Variants in EPHA6 observed in about 807,000 individuals in gnomAD.
EPHA6 encodes the protein EPH receptor A6, also known as ephrin type-A receptor 6.
Under a neutral mutation model 112.0 loss-of-function variants are expected in EPHA6, and 50 were observed. The observed-to-expected ratio is 0.45, with a 90% CI of 0.36 to 0.56. The LOEUF (loss-of-function observed/expected upper bound fraction) is 0.56, where lower values mean the gene tolerates loss of function less well. EPHA6 is among the 20% of genes least tolerant of loss of function. The pLI is 0.00. For missense variants in EPHA6, 1,280 were observed against 1,417.4 expected, an observed-to-expected ratio of 0.90 and a Z score of 1.56; for synonymous variants, 529 against 490.7, an observed-to-expected ratio of 1.08 and a Z score of -1.03.
At chr3:96,839,922 G>T (rs796495279) in intron 1 of EPHA6, among the ~76,000 whole-genome samples, 3 of 152,236 alleles carry the variant, frequency 2.0e-5, no homozygotes, top group African/African-American at 7.2e-5. Flanking sequence ...AGGATGAATG[G>T]TGGTTAGAGA....
chr3:97,390,443 G>A (rs2086333344), intron 5 of EPHA6, among the ~76,000 whole-genome samples: 1 of 150,802 alleles, frequency 6.6e-6, no homozygotes, highest in Non-Finnish European at 1.5e-5. Context: ...ATTCCAGAAG[G>A]AATTTCATAT....
At chr3:97,372,592 A>G (rs1216308841) in intron 5 of EPHA6, among the ~76,000 whole-genome samples, 1 of 152,176 alleles carries the variant, frequency 6.6e-6, no homozygotes, top group Admixed American at 6.6e-5. Flanking sequence ...GCCATGCAAT[A>G]AAATATTATA....
chr3:96,994,385 C>T (rs2043325999), intron 3 of EPHA6, among the ~76,000 whole-genome samples: 1 of 151,970 alleles, frequency 6.6e-6, no homozygotes, highest in South Asian at 2.1e-4. Context: ...TACTTAATGT[C>T]AGACTTTTCT....
chr3:97,035,621 T>C (rs1196695057), intron 3 of EPHA6, among the ~76,000 whole-genome samples: 5 of 151,940 alleles, frequency 3.3e-5, no homozygotes, highest in African/African-American at 1.2e-4. Flanking sequence ...TTTTGTAGCG[T>C]ACTCCATATT....
At chr3:97,446,120 C>T (rs2090337398) in intron 6 of EPHA6, among the ~76,000 whole-genome samples, 1 of 152,144 alleles carries the variant, frequency 6.6e-6, no homozygotes, top group Admixed American at 6.6e-5. Context: ...CCTACCTATG[C>T]ATATCATAGA....
chr3:97,481,858 C>T (rs2091562935), intron 9 of EPHA6, among the ~76,000 whole-genome samples: 1 of 152,202 alleles, frequency 6.6e-6, no homozygotes, highest in African/African-American at 2.4e-5. Flanking sequence ...CGCAGGGCAA[C>T]CTTAAGATTC....
In EPHA6 at chr3:96,835,813, T is replaced by C. The variant is rs1456208035; in HGVS notation, c.385+20805T>C. Among the ~76,000 whole-genome samples the C allele has an allele frequency of 2.6e-5, 4 of 152,240 alleles. No individual in the cohort carries two copies. In the South Asian group the frequency reaches 6.2e-4, roughly 24 times the overall value. On this transcript the variant is annotated intron_variant, in intron 1 of 17. Transcript: ENST00000389672. The stretch of plus-strand genomic sequence containing the variant: ...TGTGAAGACTCTTAATTATTAAGTA[T>C]GTAGTAGACCCACATAAGTATTGTT...
chr3:97,020,088 A>C (rs551649090), intron 3 of EPHA6, among the ~76,000 whole-genome samples: 1 of 152,294 alleles, frequency 6.6e-6, no homozygotes, highest in East Asian at 1.9e-4. Context: ...CTATGCCTCA[A>C]GTGGCCTAGC....
intron 2 of EPHA6, among the ~76,000 whole-genome samples, chr3:96,885,185 T>G (rs2037553786): frequency 6.6e-6 from 1 of 152,116 alleles, no homozygotes; most frequent in South Asian, 2.1e-4. Context: ...CTGTAGTTTT[T>G]GTTTTTGGTT....
chr3:97,711,972 C>A (rs2033990499), intron 14 of EPHA6, among the ~76,000 whole-genome samples: 1 of 152,136 alleles, frequency 6.6e-6, no homozygotes, highest in African/African-American at 2.4e-5. Flanking sequence ...TGTTACACAT[C>A]AAATTGATAC....
chr3:97,129,529 A>C (rs377228432), intron 3 of EPHA6, among the ~76,000 whole-genome samples: 2 of 151,534 alleles, frequency 1.3e-5, no homozygotes, highest in Admixed American at 6.6e-5. Context: ...AAAAAAAAAA[A>C]CAACAAAAAA....
chr3:97,336,530 G>A (rs2083063225), intron 5 of EPHA6, among the ~76,000 whole-genome samples: 1 of 152,066 alleles, frequency 6.6e-6, no homozygotes, highest in African/African-American at 2.4e-5. Flanking sequence ...ATCCATGCTG[G>A]ACCTTAGTTC....
intron 6 of EPHA6, among the ~76,000 whole-genome samples, chr3:97,443,151 G>A (rs1022515583): frequency 4.6e-5 from 7 of 152,056 alleles, no homozygotes; most frequent in Non-Finnish European, 7.4e-5. Context: ...TTTGATGAAT[G>A]TGAGTGTGTA....
At position 97,542,795 on chromosome 3, in the gene EPHA6, T is replaced by C. The variant is rs560681317; in HGVS notation, c.2386+10252T>C. Among the ~76,000 whole-genome samples the C allele has an allele frequency of 1.0e-3, 158 of 152,324 alleles. 1 individual carries two copies. The highest frequency in any genetic ancestry group is 3.3e-3 in the African/African-American group (139 of 41,576). ...TTTTAATGATCGCCATTCTAACTGGTGTGAGATGGTATCCCATTGTGGTTT... is the reference window on the plus strand; with the variant it reads ...TTTTAATGATCGCCATTCTAACTGGCGTGAGATGGTATCCCATTGTGGTTT... On this transcript the variant is annotated intron_variant, in intron 11 of 17. Transcript: ENST00000389672.
At chr3:96,924,288 T>A (rs1176105056) in intron 2 of EPHA6, among the ~76,000 whole-genome samples, 2 of 152,180 alleles carry the variant, frequency 1.3e-5, no homozygotes, top group Non-Finnish European at 2.9e-5. Context: ...GAGCATGGAA[T>A]GTTTTCCATT....
chr3:97,441,959 T>C (rs1346443608), intron 6 of EPHA6, among the ~76,000 whole-genome samples: 2 of 152,122 alleles, frequency 1.3e-5, no homozygotes, highest in African/African-American at 4.8e-5. Flanking sequence ...TTTTAAGTTT[T>C]GTAAGATAAT....
intron 2 of EPHA6, among the ~76,000 whole-genome samples, chr3:96,897,258 C>A (rs144598107): frequency 1.3e-5 from 2 of 151,396 alleles, no homozygotes; most frequent in African/African-American, 4.9e-5. Context: ...TTTATCAAGG[C>A]TGTTCATGCT....
chr3:97,371,462 C>A (rs1577130546), intron 5 of EPHA6, among the ~76,000 whole-genome samples: 1 of 152,174 alleles, frequency 6.6e-6, no homozygotes, highest in Non-Finnish European at 1.5e-5. Flanking sequence ...GGACACTTAT[C>A]ACCTCCCCAA....
At chr3:96,923,930 G>A (rs534262096) in intron 2 of EPHA6, among the ~76,000 whole-genome samples, 1 of 152,002 alleles carries the variant, frequency 6.6e-6, no homozygotes. Context: ...TTGAAGATTC[G>A]ATGGCTTAGT....
Sources: gnomAD v4.1 joint callset for allele counts (sites outside exome capture counted in the v4.1 genomes callset) on GRCh38, gnomAD v4.1.1 for gene constraint, MANE v1.5 for transcripts, NCBI Gene and HGNC (gene_info 2026-07-23, HGNC 2026-07-21) for gene names.